Variants in ADAMTS6 observed in about 807,000 individuals in gnomAD.
ADAMTS6 encodes A disintegrin and metalloproteinase with thrombospondin motifs 6.
Under a neutral mutation model 144.3 loss-of-function variants are expected in ADAMTS6, and 23 were observed. That is an observed-to-expected ratio of 0.16 (90% CI 0.11 to 0.23). ADAMTS6 has a LOEUF of 0.23. Among genes scored for constraint, ADAMTS6 ranks in the 10% least tolerant of loss-of-function variants. The pLI is 1.00. For synonymous variants in ADAMTS6, 444 were observed against 457.5 expected (o/e 0.97, Z 0.38); for missense variants, 999 against 1,379.6 (o/e 0.72, Z 4.37).
chr5:65,480,508 CAA>C (rs1761130096), intron 1 of ADAMTS6, among the ~76,000 whole-genome samples: 1 of 152,178 alleles, frequency 6.6e-6, no homozygotes, highest in Admixed American at 6.5e-5. Context: ...CAAATAAAAA[CAA>C]GAGTAAGAAA....
At chr5:65,448,071 A>G (rs1758417857) in intron 7 of ADAMTS6, among the ~76,000 whole-genome samples, 1 of 150,234 alleles carries the variant, frequency 6.7e-6, no homozygotes, top group Non-Finnish European at 1.5e-5. Flanking sequence ...TATATTACTT[A>G]TTATGAATAA....
rs536309435 is a variant in ADAMTS6, at chr5:65,374,938, C to T, written c.1074-40853G>A. The stretch of plus-strand genomic sequence containing the variant: ...TATAGATCAATGGAACAGAACAGAG[C>T]CCTCAGAAATAATGCCACATATCTA... On this transcript the variant is annotated intron_variant, in intron 7 of 24. Coordinates refer to ENST00000381055, the MANE Select transcript of ADAMTS6 (RefSeq NM_197941.4). Among the ~76,000 whole-genome samples, 23 of 152,104 alleles carry T rather than the reference C, an allele frequency of 1.5e-4. No homozygotes were observed. The South Asian group carries it at 4.6e-3, about 30-fold the overall frequency.
At chr5:65,369,462 CT>C (rs571032740) in intron 7 of ADAMTS6, among the ~76,000 whole-genome samples, 3 of 150,732 alleles carry the variant, frequency 2.0e-5, no homozygotes, top group Admixed American at 1.3e-4. Context: ...GAAAAACTAT[CT>C]TTTTTTTTGG....
Position 65,451,235 on chromosome 5 carries a change from A to AG in ADAMTS6, c.1073+239dup, listed in dbSNP as rs1310343690. On this transcript the variant is annotated intron_variant, in intron 7 of 24. Coordinates refer to ENST00000381055, the MANE Select transcript of ADAMTS6 (RefSeq NM_197941.4). ...AATATTATGAATAGAACTTATCAGTAGGAGGAAAGTTATTTATTAAATTTC... is the reference window on the plus strand; with the variant it reads ...AATATTATGAATAGAACTTATCAGTAGGGAGGAAAGTTATTTATTAAATTTC... The AG allele has an allele frequency of 1.5e-5, 6 of 401,078 alleles. No individual in the cohort carries two copies. In the Admixed American group the frequency reaches 1.7e-4, roughly 12 times the overall value. 24.8% of individuals were successfully genotyped at this position (401,078 alleles called of 1,614,324 possible). A position where few individuals can be genotyped will look rare whatever the true frequency, so the allele number is the denominator to read the frequency against.
chr5:65,462,707 C>T (rs538817483), intron 3 of ADAMTS6, among the ~76,000 whole-genome samples: 21 of 152,278 alleles, frequency 1.4e-4, no homozygotes, highest in African/African-American at 4.3e-4. Context: ...AAGGCAGATA[C>T]TATGCTATGT....
chr5:65,252,389 C>T (rs960987764), intron 14 of ADAMTS6, among the ~76,000 whole-genome samples: 1 of 151,356 alleles, frequency 6.6e-6, no homozygotes, highest in African/African-American at 2.4e-5. Context: ...TCACAGGCGC[C>T]CGCAACCACG....
At chr5:65,274,463 T>C (rs572717744) in intron 11 of ADAMTS6, among the ~76,000 whole-genome samples, 1 of 152,252 alleles carries the variant, frequency 6.6e-6, no homozygotes, top group South Asian at 2.1e-4. Context: ...CTTTTGCTTT[T>C]ATTCCTCAAC....
At chr5:65,255,563 C>T (rs1485957455) in intron 14 of ADAMTS6, among the ~76,000 whole-genome samples, 1 of 152,132 alleles carries the variant, frequency 6.6e-6, no homozygotes, top group East Asian at 1.9e-4. Context: ...GGACAACTTT[C>T]GTAATACTTC....
intron 7 of ADAMTS6, among the ~76,000 whole-genome samples, chr5:65,372,016 CA>C (rs1750981717): frequency 6.6e-6 from 1 of 151,912 alleles, no homozygotes; most frequent in Admixed American, 6.5e-5. Flanking sequence ...CATATCCAGC[CA>C]AATTAAGCTT....
At position 65,447,323 on chromosome 5, in the gene ADAMTS6, C is replaced by CTGCAAT. The variant is rs1758346411; in HGVS notation, c.1073+4151_1073+4152insATTGCA. 5.9e-5 allele frequency among the ~76,000 whole-genome samples: 9 copies of CTGCAAT among 151,984 alleles called. No homozygotes were observed. In the South Asian group the frequency reaches 1.9e-3, roughly 32 times the overall value. ...TCTGTCAACTTGCAGGTTTTTATTC[C>CTGCAAT]TAAGTAGCTATTAATTTGGTTTATC... On this transcript the variant is annotated intron_variant, in intron 7 of 24. Transcript: ENST00000381055.
intron 9 of ADAMTS6, among the ~76,000 whole-genome samples, chr5:65,305,386 GA>G (rs1743836613): frequency 1.3e-5 from 2 of 152,146 alleles, no homozygotes; most frequent in South Asian, 2.1e-4. Flanking sequence ...TATGAGAGGG[GA>G]TAAGTGGGAC....
At chr5:65,444,274 C>T (rs183250809) in intron 7 of ADAMTS6, among the ~76,000 whole-genome samples, 1 of 152,108 alleles carries the variant, frequency 6.6e-6, no homozygotes, top group Admixed American at 6.5e-5. Context: ...CACCTGTAAT[C>T]CCAGCTATTT....
At chr5:65,431,123 A>G (rs1048002269) in intron 7 of ADAMTS6, among the ~76,000 whole-genome samples, 1 of 152,148 alleles carries the variant, frequency 6.6e-6, no homozygotes, top group African/African-American at 2.4e-5. Context: ...CTTGGAGGAG[A>G]TAAGTATTTC....
intron 7 of ADAMTS6, among the ~76,000 whole-genome samples, chr5:65,421,427 A>G (rs1756033104): frequency 6.6e-6 from 1 of 152,192 alleles, no homozygotes; most frequent in Non-Finnish European, 1.5e-5. Context: ...GTTTCTGCTG[A>G]GAAGTCTGCT....
intron 7 of ADAMTS6, among the ~76,000 whole-genome samples, chr5:65,337,382 C>T (rs148584667): frequency 6.6e-6 from 1 of 151,882 alleles, no homozygotes; most frequent in South Asian, 2.1e-4. Context: ...TTTTCAATTT[C>T]TTTTTTGTGG....
chr5:65,334,561 GA>G (rs903380732), intron 7 of ADAMTS6, among the ~76,000 whole-genome samples: 1 of 151,744 alleles, frequency 6.6e-6, no homozygotes, highest in African/African-American at 2.4e-5. Context: ...TCTTGTTAAA[GA>G]AAAAAAGATA....
At chr5:65,279,475 C>T (rs1453452135) in intron 11 of ADAMTS6, among the ~76,000 whole-genome samples, 1 of 152,032 alleles carries the variant, frequency 6.6e-6, no homozygotes, top group Non-Finnish European at 1.5e-5. Flanking sequence ...TGCCACCATG[C>T]CTGGCTAATT....
chr5:65,375,637 A>C (rs1751456330), intron 7 of ADAMTS6, among the ~76,000 whole-genome samples: 2 of 152,100 alleles, frequency 1.3e-5, no homozygotes, highest in African/African-American at 4.8e-5. Context: ...ATGTGGAGAA[A>C]TAGGAACACT....
intron 9 of ADAMTS6, among the ~76,000 whole-genome samples, chr5:65,326,661 C>T (rs938824772): frequency 2.0e-5 from 3 of 152,114 alleles, no homozygotes; most frequent in African/African-American, 4.8e-5. Flanking sequence ...GATATCATCA[C>T]GTCACTTAAC....
Sources: gnomAD v4.1 joint callset for allele counts (sites outside exome capture counted in the v4.1 genomes callset) on GRCh38, gnomAD v4.1.1 for gene constraint, MANE v1.5 for transcripts, NCBI Gene and HGNC (gene_info 2026-07-23, HGNC 2026-07-21) for gene names.